IGF1R: variants seen among roughly 807,000 people sequenced by gnomAD.
IGF1R encodes the protein insulin like growth factor 1 receptor.
A neutral mutation model predicts 144.6 loss-of-function variants in IGF1R; 44 were observed. That is an observed-to-expected ratio of 0.30 (90% CI 0.24 to 0.39). IGF1R has a LOEUF of 0.39. Ranked by LOEUF, IGF1R falls within the 10% of genes least tolerant of loss-of-function variation. The pLI, the probability that IGF1R is intolerant of heterozygous loss-of-function variation, is 1.00. For synonymous variants in IGF1R, 795 were observed against 722.8 expected, an observed-to-expected ratio of 1.10 and a Z score of -1.60; for missense variants, 1,355 against 1,833.7, an observed-to-expected ratio of 0.74 and a Z score of 4.77.
intron 2 of IGF1R, among the ~76,000 whole-genome samples, chr15:98,710,492 G>A (rs1178029626): frequency 1.3e-5 from 2 of 151,780 alleles, no homozygotes; most frequent in African/African-American, 4.8e-5. Flanking sequence ...GTCCGAATTG[G>A]GACTGCTTTA....
intron 2 of IGF1R, among the ~76,000 whole-genome samples, chr15:98,879,615 C>T (rs937389676): frequency 1.3e-5 from 2 of 152,066 alleles, no homozygotes; most frequent in African/African-American, 2.4e-5. Flanking sequence ...GTTACCAAAT[C>T]GTTTTTCCTT....
At chr15:98,696,873 G>C (rs1057053718) in intron 1 of IGF1R, among the ~76,000 whole-genome samples, 1 of 152,188 alleles carries the variant, frequency 6.6e-6, no homozygotes, top group African/African-American at 2.4e-5. Flanking sequence ...AGAGGTTCCT[G>C]TGGGTGTGGA....
intron 2 of IGF1R, among the ~76,000 whole-genome samples, chr15:98,752,486 A>G (rs772782668): frequency 6.6e-6 from 1 of 152,120 alleles, no homozygotes; most frequent in Admixed American, 6.5e-5. Flanking sequence ...GATCGAGACC[A>G]TCCTAACGCG....
At chr15:98,914,734 A>G (rs970649372) in intron 8 of IGF1R, among the ~76,000 whole-genome samples, 1 of 152,210 alleles carries the variant, frequency 6.6e-6, no homozygotes, top group Non-Finnish European at 1.5e-5. Context: ...CAGGCACTGT[A>G]CCAATGAGTC....
intron 2 of IGF1R, among the ~76,000 whole-genome samples, chr15:98,752,424 C>T (rs1206384952): frequency 6.6e-6 from 1 of 152,136 alleles, no homozygotes; most frequent in Non-Finnish European, 1.5e-5. Context: ...TGGCTCCCGC[C>T]TGTAATCCCA....
intron 20 of IGF1R, chr15:98,954,030 G>A (rs2016881904): frequency 6.6e-6 from 1 of 152,280 alleles, no homozygotes; most frequent in South Asian, 2.1e-4. Flanking sequence ...CAGCCCCGCA[G>A]GTCCTCTGGG....
intron 2 of IGF1R, among the ~76,000 whole-genome samples, chr15:98,741,485 A>G (rs1027043963): frequency 6.6e-6 from 1 of 152,054 alleles, no homozygotes; most frequent in Non-Finnish European, 1.5e-5. Context: ...TTTACCAGAC[A>G]CCCAGAGGGG....
intron 2 of IGF1R, among the ~76,000 whole-genome samples, chr15:98,774,112 G>A (rs181095455): frequency 1.4e-4 from 21 of 152,250 alleles, no homozygotes; most frequent in Non-Finnish European, 5.9e-5. Context: ...ACATCATGCC[G>A]TGACAAAAAG....
intron 1 of IGF1R, among the ~76,000 whole-genome samples, chr15:98,679,505 C>G (rs2053133251): frequency 6.6e-6 from 1 of 152,080 alleles, no homozygotes; most frequent in African/African-American, 2.4e-5. Flanking sequence ...CAGTGCTGTC[C>G]CCTAGGGATA....
Position 98,774,124 on chromosome 15 carries a change from A to AG in IGF1R, c.640+66018dup, listed in dbSNP as rs2055655013. Among the ~76,000 whole-genome samples, 4 of 152,230 alleles carry AG rather than the reference A, an allele frequency of 2.6e-5. No individual in the cohort carries two copies. In the East Asian group the frequency reaches 7.7e-4, roughly 29 times the overall value. Reference sequence around the variant, plus strand: ...TAGACATCATGCCGTGACAAAAAGAAGAGGATCTTAGAAGCGGGGGACATT... The same window carrying AG: ...TAGACATCATGCCGTGACAAAAAGAAGGAGGATCTTAGAAGCGGGGGACATT... On this transcript the variant is annotated intron_variant, in intron 2 of 20. Coordinates refer to ENST00000650285, the MANE Select transcript of IGF1R (RefSeq NM_000875.5).
rs1596136058 is a variant in IGF1R at position 98,648,591 on chromosome 15, A to T, written c.-991A>T. Among the ~76,000 whole-genome samples the T allele has an allele frequency of 6.9e-6, 1 of 144,050 alleles. No individual in the cohort carries two copies. The highest frequency in any genetic ancestry group is 6.8e-5 in the Admixed American group (1 of 14,674). 94.5% of individuals were successfully genotyped at this position (144,050 alleles called of 152,430 possible). A position where few individuals can be genotyped will look rare whatever the true frequency, so the allele number is the denominator to read the frequency against. ...GGCGAGGCTGGGGCTCTTGTTTACC[A>T]GCATTAACTCCGCTGAGCGGAAAAA... On this transcript the variant is annotated 5_prime_UTR_variant, in exon 1 of 21. Transcript: ENST00000650285.
At chr15:98,650,772 C>T in intron 1 of IGF1R, 1 of 437,586 alleles carries the variant, frequency 2.3e-6, no homozygotes, top group Non-Finnish European at 3.0e-6. Flanking sequence ...GGCGTCGTGT[C>T]GCCCTCTCTT....
chr15:98,749,976 G>T (rs996881063), intron 2 of IGF1R, among the ~76,000 whole-genome samples: 1 of 150,256 alleles, frequency 6.7e-6, no homozygotes, highest in Admixed American at 6.7e-5. Flanking sequence ...ATATTTGCTC[G>T]ACTTCTATCC....
In IGF1R at chr15:98,686,165, G is replaced by T. The variant is rs562218787; in HGVS notation, c.95-21397G>T. Among the ~76,000 whole-genome samples the T allele has an allele frequency of 4.1e-4, 63 of 152,318 alleles. No individual in the cohort carries two copies. The South Asian group carries it at 0.012, about 30-fold the overall frequency. ...TCCTTTTGTGACTGGCCCATTTTAT[G>T]AGCATAATGTCCTCAAGGTTCATTC... On this transcript the variant is annotated intron_variant, in intron 1 of 20. Transcript: ENST00000650285.
At chr15:98,931,229 C>T (rs922021621) in intron 15 of IGF1R, among the ~76,000 whole-genome samples, 20 of 152,042 alleles carry the variant, frequency 1.3e-4, no homozygotes, top group Non-Finnish European at 2.2e-4. Flanking sequence ...AGGGGCTGGA[C>T]CGGATTCATC....
In IGF1R at chr15:98,911,376, C is replaced by T. The variant is rs1295133609; in HGVS notation, c.1524C>T (p.Thr508=). The change falls in exon 7 of 21, where the codon ACC becomes ACT. Residue 508 remains threonine (T), a synonymous_variant. Coordinates refer to ENST00000650285, the MANE Select transcript of IGF1R (RefSeq NM_000875.5). ...CGTCGAAGAATCGCATCATCATAAC[C>T]TGGCACCGGTACCGGCCCCCTGACT... ...TTTSKNRIII[T]WHRYRPPDYR... 6.2e-7 allele frequency: 1 copy of T among 1,614,206 alleles called. No individual in the cohort carries two copies. The highest frequency in any genetic ancestry group is 2.2e-5 in the East Asian group (1 of 44,884).
intron 5 of IGF1R, among the ~76,000 whole-genome samples, chr15:98,907,339 A>T (rs1333691167): frequency 6.6e-6 from 1 of 152,236 alleles, no homozygotes; most frequent in Non-Finnish European, 1.5e-5. Flanking sequence ...CCCTCACCAG[A>T]TGCAGAGAGA....
At chr15:98,939,507 G>T (rs2016286499) in intron 18 of IGF1R, 147 bp downstream of exon 18, 1 of 819,624 alleles carries the variant, frequency 1.2e-6, no homozygotes, top group Non-Finnish European at 2.1e-6. Flanking sequence ...ATTGTCTCCA[G>T]TTGATGGTCA....
chr15:98,695,802 A>G (rs2053582376), intron 1 of IGF1R, among the ~76,000 whole-genome samples: 1 of 152,166 alleles, frequency 6.6e-6, no homozygotes, highest in Non-Finnish European at 1.5e-5. Flanking sequence ...CAGCAGGGTC[A>G]TAAAGAGCCT....
Sources: allele counts gnomAD v4.1 joint callset (sites outside exome capture counted in the v4.1 genomes callset), GRCh38; gene constraint gnomAD v4.1.1; transcripts MANE v1.5; gene names NCBI Gene and HGNC (gene_info 2026-07-23, HGNC 2026-07-21).